Variants in SORCS1 observed in about 807,000 individuals in gnomAD.
SORCS1 encodes sortilin related VPS10 domain containing receptor 1.
Under a neutral mutation model 146.1 loss-of-function variants are expected in SORCS1, and 60 were observed. That is an observed-to-expected ratio of 0.41 (90% CI 0.33 to 0.51). SORCS1 has a LOEUF of 0.51. Ranked by LOEUF, SORCS1 falls within the 20% of genes least tolerant of loss-of-function variation. The pLI, the probability that SORCS1 is intolerant of heterozygous loss-of-function variation, is 0.21. For synonymous variants in SORCS1, 637 were observed against 584.0 expected (o/e 1.09, Z -1.31); for missense variants, 1,352 against 1,487.6 (o/e 0.91, Z 1.50).
At position 106,574,108 on chromosome 10, in the gene SORCS1, C is replaced by T. The variant is rs1360800765; in HGVS notation, c.*3312G>A. The T allele has an allele frequency of 2.0e-5, 3 of 151,344 alleles. No homozygotes were observed. Among genetic ancestry groups the T allele is most frequent in the South Asian group, 4.2e-4 (2 of 4,800 alleles). The allele number at this position is 151,344 out of a possible 1,614,324, so 9.4% of individuals were successfully genotyped here. On this transcript the variant is annotated 3_prime_UTR_variant, in exon 26 of 26. Coordinates refer to ENST00000263054, the MANE Select transcript of SORCS1 (RefSeq NM_052918.5). Reference sequence around the variant, plus strand: ...AGTCGGCAAATGAGAGATTTCAATGCTCAGTTGGATTCCTGGAAAACACAG... The same window carrying T: ...AGTCGGCAAATGAGAGATTTCAATGTTCAGTTGGATTCCTGGAAAACACAG...
At chr10:106,778,491 CAT>C (rs1860637583) in intron 3 of SORCS1, among the ~76,000 whole-genome samples, 1 of 152,098 alleles carries the variant, frequency 6.6e-6, no homozygotes, top group African/African-American at 2.4e-5. Context: ...AGTATAAACT[CAT>C]ATGGCTTCAT....
intron 18 of SORCS1, among the ~76,000 whole-genome samples, chr10:106,636,327 G>A (rs535144281): frequency 1.6e-4 from 25 of 152,090 alleles, no homozygotes; most frequent in Non-Finnish European, 3.2e-4. Context: ...GTCACTAAGG[G>A]AGAAGACAGA....
At chr10:106,861,052 C>G (rs1949992121) in intron 2 of SORCS1, among the ~76,000 whole-genome samples, 1 of 152,160 alleles carries the variant, frequency 6.6e-6, no homozygotes, top group Non-Finnish European at 1.5e-5. Context: ...ACTCTCTTCT[C>G]ACACGGTACT....
chr10:106,968,666 C>G (rs181166126), intron 1 of SORCS1, among the ~76,000 whole-genome samples: 1 of 152,252 alleles, frequency 6.6e-6, no homozygotes, highest in East Asian at 1.9e-4. Flanking sequence ...ATAAATAATG[C>G]TATGCATATT....
chr10:106,850,741 T>C (rs1159030488), intron 2 of SORCS1, among the ~76,000 whole-genome samples: 1 of 152,204 alleles, frequency 6.6e-6, no homozygotes, highest in African/African-American at 2.4e-5. Context: ...CAATTACCTA[T>C]GTCTAACTCA....
At chr10:107,177,608 A>C in the SORCS1 span, among the ~76,000 whole-genome samples, 1 of 152,198 alleles carries the variant, frequency 6.6e-6, no homozygotes, top group Non-Finnish European at 1.5e-5. Flanking sequence ...TTTTACTTTA[A>C]AAAGATTTAT....
At chr10:107,149,581 T>C (rs561183454) in intron 1 of SORCS1, among the ~76,000 whole-genome samples, 22 of 152,334 alleles carry the variant, frequency 1.4e-4, no homozygotes, top group African/African-American at 4.6e-4. Flanking sequence ...AGAGAGAAGA[T>C]AGTGATGCTT....
chr10:106,981,963 C>G (rs920537721), intron 1 of SORCS1, among the ~76,000 whole-genome samples: 1 of 152,186 alleles, frequency 6.6e-6, no homozygotes, highest in Non-Finnish European at 1.5e-5. Context: ...TTTCTGACCC[C>G]AACACCCATT....
intron 18 of SORCS1, among the ~76,000 whole-genome samples, chr10:106,633,027 G>A (rs1437598180): frequency 6.6e-6 from 1 of 151,918 alleles, no homozygotes; most frequent in Non-Finnish European, 1.5e-5. Context: ...AAAGAAGGAG[G>A]AAAAAGAGAG....
intron 21 of SORCS1, among the ~76,000 whole-genome samples, chr10:106,614,712 C>G (rs945828090): frequency 3.3e-5 from 5 of 152,158 alleles, no homozygotes; most frequent in Non-Finnish European, 7.3e-5. Flanking sequence ...GAAAATGATG[C>G]AGCTCCCTCC....
intron 1 of SORCS1, among the ~76,000 whole-genome samples, chr10:107,048,935 T>A (rs1959803371): frequency 1.3e-5 from 2 of 152,062 alleles, no homozygotes; most frequent in South Asian, 4.2e-4. Flanking sequence ...AGCAACACAT[T>A]GAGGGCAAAA....
intron 1 of SORCS1, among the ~76,000 whole-genome samples, chr10:107,142,443 T>C (rs1320375955): frequency 6.6e-6 from 1 of 152,200 alleles, no homozygotes; most frequent in African/African-American, 2.4e-5. Context: ...CAAGTACTAG[T>C]GTGAGAAAGG....
intron 21 of SORCS1, among the ~76,000 whole-genome samples, chr10:106,614,621 AC>A (rs5787677): frequency 0.98 from 148,545 of 152,268 alleles, 72,547 homozygotes; most frequent in East Asian, 1. Flanking sequence ...TGTCATTCTC[AC>A]TTTCTCCGTA....
chr10:106,928,251 G>A (rs1040721270), intron 2 of SORCS1, among the ~76,000 whole-genome samples: 21 of 152,230 alleles, frequency 1.4e-4, no homozygotes, highest in Non-Finnish European at 2.4e-4. Context: ...CCTGCCCCGC[G>A]AGGAGGCAGC....
At chr10:107,009,627 T>C (rs1312568640) in intron 1 of SORCS1, among the ~76,000 whole-genome samples, 2 of 152,158 alleles carry the variant, frequency 1.3e-5, no homozygotes, top group Non-Finnish European at 1.5e-5. Context: ...ATAAAGCAAA[T>C]AAATTCTTCT....
intron 2 of SORCS1, among the ~76,000 whole-genome samples, chr10:106,920,401 C>A (rs1382658546): frequency 2.0e-5 from 3 of 152,206 alleles, no homozygotes; most frequent in African/African-American, 4.8e-5. Context: ...GTCCCAGAGT[C>A]ACTTTAAATC....
intron 17 of SORCS1, among the ~76,000 whole-genome samples, chr10:106,664,707 C>T (rs1850996319): frequency 6.6e-6 from 1 of 152,056 alleles, no homozygotes; most frequent in Non-Finnish European, 1.5e-5. Flanking sequence ...TATCATTCAG[C>T]CTTGGTCTAT....
chr10:106,900,243 A>G (rs1325981646), intron 2 of SORCS1, among the ~76,000 whole-genome samples: 3 of 152,200 alleles, frequency 2.0e-5, no homozygotes, highest in Admixed American at 1.3e-4. Context: ...GAGCTACTTG[A>G]GTTCAGAGCC....
intron 23 of SORCS1, among the ~76,000 whole-genome samples, chr10:106,601,331 T>C (rs1448981212): frequency 6.6e-6 from 1 of 152,280 alleles, no homozygotes; most frequent in Non-Finnish European, 1.5e-5. Context: ...CCTCTTCTGC[T>C]GCTTTCCAGC....
Sources: allele counts gnomAD v4.1 joint callset (sites outside exome capture counted in the v4.1 genomes callset), GRCh38; gene constraint gnomAD v4.1.1; transcripts MANE v1.5; gene names NCBI Gene and HGNC (gene_info 2026-07-23, HGNC 2026-07-21).